KCMF1: variants seen among roughly 807,000 people sequenced by gnomAD.
KCMF1 encodes potassium channel modulatory factor 1.
Under a neutral mutation model 41.1 loss-of-function variants are expected in KCMF1, and 3 were observed. The observed-to-expected ratio is 0.07, with a 90% confidence interval of 0.03 to 0.19. The LOEUF (loss-of-function observed/expected upper bound fraction) is 0.19. Among genes scored for constraint, KCMF1 ranks in the 10% least tolerant of loss-of-function variants. The pLI is 1.00. For synonymous variants in KCMF1, 142 were observed against 164.5 expected (o/e 0.86, Z 1.04); for missense variants, 286 against 488.9 (o/e 0.58, Z 3.91).
At chr2:85,030,001 C>T (rs1200442612) in intron 2 of KCMF1, among the ~76,000 whole-genome samples, 1 of 151,978 alleles carries the variant, frequency 6.6e-6, no homozygotes, top group Non-Finnish European at 1.5e-5. Flanking sequence ...TAATTTCTTA[C>T]CTAGCCCACA....
At chr2:85,013,728 G>T (rs1385792832) in intron 1 of KCMF1, among the ~76,000 whole-genome samples, 1 of 150,752 alleles carries the variant, frequency 6.6e-6, no homozygotes, top group Non-Finnish European at 1.5e-5. Flanking sequence ...ACCGCGGGAG[G>T]CAGAAGTGTC....
intron 1 of KCMF1, among the ~76,000 whole-genome samples, chr2:84,976,707 C>G (rs1246077526): frequency 6.6e-6 from 1 of 151,002 alleles, no homozygotes; most frequent in Non-Finnish European, 1.5e-5. Context: ...ATTTCTCTAG[C>G]TTTTTGAAGA....
chr2:85,035,251 C>T, intron 3 of KCMF1, 96 bp downstream of exon 3: 1 of 1,008,526 alleles, frequency 9.9e-7, no homozygotes, highest in South Asian at 1.7e-5. Context: ...GCTTCCTGCT[C>T]AGTGTAATGA....
intron 2 of KCMF1, among the ~76,000 whole-genome samples, chr2:85,032,537 C>A (rs1448785052): frequency 1.3e-5 from 2 of 151,936 alleles, no homozygotes; most frequent in Non-Finnish European, 2.9e-5. Context: ...CCACCATGCC[C>A]AGCTAATTTT....
At chr2:85,021,469 A>G (rs1303185388) in intron 1 of KCMF1, among the ~76,000 whole-genome samples, 1 of 152,088 alleles carries the variant, frequency 6.6e-6, no homozygotes, top group East Asian at 1.9e-4. Flanking sequence ...TAAAAGTACA[A>G]AAATTAGCCG....
chr2:84,975,960 G>A (rs1197241621), intron 1 of KCMF1, among the ~76,000 whole-genome samples: 1 of 152,198 alleles, frequency 6.6e-6, no homozygotes, highest in Non-Finnish European at 1.5e-5. Context: ...ACTACTATGT[G>A]TAAGGCAGTC....
chr2:85,014,943 T>G (rs528411516), intron 1 of KCMF1, among the ~76,000 whole-genome samples: 1 of 151,906 alleles, frequency 6.6e-6, no homozygotes, highest in African/African-American at 2.4e-5. Context: ...CCTGGTGGCT[T>G]ACTCCTAGAG....
At chr2:84,975,097 C>T (rs377610279) in intron 1 of KCMF1, among the ~76,000 whole-genome samples, 2 of 152,120 alleles carry the variant, frequency 1.3e-5, no homozygotes, top group East Asian at 1.9e-4. Flanking sequence ...TCTTAACTTT[C>T]GGGCTATATA....
At chr2:85,000,432 AT>A (rs1674300294) in intron 1 of KCMF1, among the ~76,000 whole-genome samples, 1 of 152,150 alleles carries the variant, frequency 6.6e-6, no homozygotes, top group Admixed American at 6.5e-5. Context: ...TATGAAATAT[AT>A]TTTTTAATCT....
At chr2:85,015,325 C>G (rs915012987) in intron 1 of KCMF1, among the ~76,000 whole-genome samples, 5 of 152,158 alleles carry the variant, frequency 3.3e-5, no homozygotes, top group Non-Finnish European at 7.4e-5. Flanking sequence ...CCCAGGCACT[C>G]TTTATCCACC....
intron 1 of KCMF1, among the ~76,000 whole-genome samples, chr2:84,986,267 G>A (rs1015113065): frequency 6.6e-6 from 1 of 152,142 alleles, no homozygotes; most frequent in Non-Finnish European, 1.5e-5. Context: ...AATAACCCTT[G>A]TATGACTGGG....
intron 2 of KCMF1, among the ~76,000 whole-genome samples, chr2:85,034,312 T>C (rs1031944238): frequency 1.3e-5 from 2 of 152,236 alleles, no homozygotes; most frequent in African/African-American, 4.8e-5. Flanking sequence ...AGTTCTCATA[T>C]TGATCATGGT....
rs1220015863 is a variant in KCMF1, at chr2:85,053,925, T to A, written c.*516T>A. 1 of 152,660 alleles carries A rather than the reference T, an allele frequency of 6.6e-6. No individual in the cohort carries two copies. Among genetic ancestry groups the A allele is most frequent in the Non-Finnish European group, 1.5e-5 (1 of 68,412 alleles). The allele number at this position is 152,660 out of a possible 1,614,324, so 9.5% of individuals were successfully genotyped here. A position where few individuals can be genotyped will look rare whatever the true frequency, so the allele number is the denominator to read the frequency against. ...GTTACACGACGAAGTAGCTTTTGAA[T>A]AATGTCTGCCTGAATCACCTTTCTT... is the stretch of plus-strand genomic sequence containing the variant. On this transcript the variant is annotated 3_prime_UTR_variant, in exon 7 of 7. Coordinates refer to ENST00000409785, the MANE Select transcript of KCMF1 (RefSeq NM_020122.5).
intron 1 of KCMF1, among the ~76,000 whole-genome samples, chr2:84,977,012 CTCCTT>C (rs1673565463): frequency 6.6e-6 from 1 of 152,020 alleles, no homozygotes. Flanking sequence ...CTCTCTCTCT[CTCCTT>C]TTTTATAATT....
rs1163405427 is a variant in KCMF1 at position 85,006,295 on chromosome 2, C to CTTTT, written c.17-21574_17-21571dup. 2.2e-3 allele frequency among the ~76,000 whole-genome samples: 203 copies of CTTTT among 94,224 alleles called. 2 individuals are homozygous for CTTTT. The highest frequency in any genetic ancestry group is 7.9e-3 in the East Asian group (22 of 2,792). 61.8% of individuals were successfully genotyped at this position (94,224 alleles called of 152,430 possible). ...CTTACCCACTAAATATTCTCATTTT[C>CTTTT]TTTTTTTTTTTTTTTTTTTTTTTGA... On this transcript the variant is annotated intron_variant, in intron 1 of 6. Coordinates refer to ENST00000409785, the MANE Select transcript of KCMF1 (RefSeq NM_020122.5).
In KCMF1 at chr2:85,058,530, G is replaced by A. The variant is rs1574049222; in HGVS notation, c.*5121G>A. The A allele has an allele frequency of 1.3e-5, 2 of 152,360 alleles. No homozygotes were observed. Among genetic ancestry groups the A allele is most frequent in the South Asian group, 4.1e-4 (2 of 4,830 alleles). The allele number at this position is 152,360 out of a possible 1,614,324, so 9.4% of individuals were successfully genotyped here. ...CATCTGACTGTGTCCTTGGCAGACA[G>A]TGCATGTAGCCTGTAGAATGTTGGC... On this transcript the variant is annotated 3_prime_UTR_variant, in exon 7 of 7. Coordinates refer to ENST00000409785, the MANE Select transcript of KCMF1 (RefSeq NM_020122.5).
At chr2:85,046,009 A>G (rs527871080) in intron 4 of KCMF1, 95 bp from the exon 5 acceptor site, 13 of 1,014,130 alleles carry the variant, frequency 1.3e-5, no homozygotes, top group African/African-American at 3.3e-5. Flanking sequence ...AAATGCTTAC[A>G]ATTCAGGAAA....
chr2:85,019,726 ATG>A (rs1258991244), intron 1 of KCMF1, among the ~76,000 whole-genome samples: 8 of 151,566 alleles, frequency 5.3e-5, no homozygotes, highest in Non-Finnish European at 8.8e-5. Context: ...TTAAATATAT[ATG>A]TGTGTGTGTA....
At chr2:84,971,520 C>T (rs1673392626) in intron 1 of KCMF1, 53 bp downstream of exon 1, 1 of 1,088,856 alleles carries the variant, frequency 9.2e-7, no homozygotes, top group South Asian at 3.2e-5. Flanking sequence ...GCCTACCCCG[C>T]CCGGGCCGGG....
Sources: allele counts gnomAD v4.1 joint callset (sites outside exome capture counted in the v4.1 genomes callset), GRCh38; gene constraint gnomAD v4.1.1; transcripts MANE v1.5; gene names NCBI Gene and HGNC (gene_info 2026-07-23, HGNC 2026-07-21).